Variants in CDH7 observed in about 807,000 individuals in gnomAD.
The protein encoded by CDH7 is cadherin 7.
CDH7 carries 25 observed loss-of-function variants against 71.8 expected under a neutral mutation model. That is an observed-to-expected ratio of 0.35 (90% CI 0.25 to 0.49). The LOEUF (loss-of-function observed/expected upper bound fraction) is 0.49, where lower values mean the gene tolerates loss of function less well. Ranked by LOEUF, CDH7 falls within the 20% of genes least tolerant of loss-of-function variation. The probability of loss-of-function intolerance (pLI) is 0.99; values close to 1 mark genes in which losing one functional copy is unlikely to be tolerated. For missense variants in CDH7, 862 were observed against 974.6 expected (o/e 0.88, Z 1.54); for synonymous variants, 381 against 363.8 (o/e 1.05, Z -0.54).
chr18:65,866,987 A>G (rs1009747440), intron 11 of CDH7, among the ~76,000 whole-genome samples: 7 of 152,010 alleles, frequency 4.6e-5, no homozygotes, highest in Admixed American at 2.6e-4. Context: ...ATTATTTTTC[A>G]TGCAGAAAAA....
intron 2 of CDH7, among the ~76,000 whole-genome samples, chr18:65,771,075 AG>A (rs1484755544): frequency 4.6e-5 from 7 of 152,088 alleles, no homozygotes; most frequent in African/African-American, 1.7e-4. Flanking sequence ...TCTTTTAATG[AG>A]GCTATCAGTA....
At chr18:65,870,424 C>T (rs1226633454) in intron 11 of CDH7, among the ~76,000 whole-genome samples, 1 of 152,160 alleles carries the variant, frequency 6.6e-6, no homozygotes, top group Non-Finnish European at 1.5e-5. Context: ...GGTACTCCTG[C>T]ATTTTTCCTA....
At chr18:65,812,915 A>G (rs1379068539) in intron 3 of CDH7, among the ~76,000 whole-genome samples, 4 of 152,262 alleles carry the variant, frequency 2.6e-5, no homozygotes, top group Admixed American at 2.6e-4. Context: ...GAGAACATCA[A>G]TGTAATTTAT....
At chr18:65,762,286 T>C (rs932109192) in intron 1 of CDH7, among the ~76,000 whole-genome samples, 3 of 152,002 alleles carry the variant, frequency 2.0e-5, no homozygotes, top group African/African-American at 7.2e-5. Flanking sequence ...ATCACTGTAA[T>C]ATAAAAGAAA....
intron 2 of CDH7, among the ~76,000 whole-genome samples, chr18:65,780,078 GT>G (rs1910122778): frequency 9.4e-6 from 1 of 106,158 alleles, no homozygotes. Flanking sequence ...TTCTTCATGT[GT>G]TTTTTGGCTG....
In CDH7 at chr18:65,843,584, G is replaced by A. The variant is rs9950051; in HGVS notation, c.982-228G>A. Reference sequence around the variant, plus strand: ...ACTGGCATCTGTCTGTCTGTGCAGCGTATAGCAGCAGAGTGGATGAAGTTG... The same window carrying A: ...ACTGGCATCTGTCTGTCTGTGCAGCATATAGCAGCAGAGTGGATGAAGTTG... On this transcript the variant is annotated intron_variant, in intron 6 of 11. Transcript: ENST00000397968. Among the ~76,000 whole-genome samples, 98,709 of 151,970 alleles carry A rather than the reference G, an allele frequency of 0.65. 33,038 individuals are homozygous for A. The highest frequency in any genetic ancestry group is 0.93 in the East Asian group (4,810 of 5,162).
At chr18:65,789,584 GT>G (rs1910638503) in intron 2 of CDH7, among the ~76,000 whole-genome samples, 1 of 152,090 alleles carries the variant, frequency 6.6e-6, no homozygotes, top group African/African-American at 2.4e-5. Flanking sequence ...GGGATGGTGG[GT>G]AAGACAGGAG....
At chr18:65,785,147 A>G (rs1027763421) in intron 2 of CDH7, among the ~76,000 whole-genome samples, 1 of 152,144 alleles carries the variant, frequency 6.6e-6, no homozygotes, top group Non-Finnish European at 1.5e-5. Flanking sequence ...GGCTGAATCC[A>G]GTATGTTGTA....
In CDH7 at chr18:65,888,742, A is replaced by AAT. The variant is rs1555692904; in HGVS notation, c.*7849_*7850insTA. 2 of 148,846 alleles carry AAT rather than the reference A, an allele frequency of 1.3e-5. No homozygotes were observed. Among genetic ancestry groups the AAT allele is most frequent in the Admixed American group, 1.3e-4 (2 of 14,862 alleles). 9.2% of individuals were successfully genotyped at this position (148,846 alleles called of 1,614,324 possible). A position where few individuals can be genotyped will look rare whatever the true frequency, so the allele number is the denominator to read the frequency against. ...GCCCAGAATAACTGTAACTTATGCA[A>AAT]ACACACACACACACACACACACTCA... On this transcript the variant is annotated 3_prime_UTR_variant, in exon 12 of 12. Transcript: ENST00000397968.
rs1914369459 is a variant in CDH7, at chr18:65,886,130, G to A, written c.*5236G>A. ...CATTTTCATTCTCTGAACTTTTATA[G>A]CTTCATGATTAAAATTGAGTTAATT... On this transcript the variant is annotated 3_prime_UTR_variant, in exon 12 of 12. Transcript: ENST00000397968. The A allele has an allele frequency of 6.6e-6, 1 of 152,076 alleles. No individual in the cohort carries two copies. Among genetic ancestry groups the A allele is most frequent in the African/African-American group, 2.4e-5 (1 of 41,406 alleles). 9.4% of individuals were successfully genotyped at this position (152,076 alleles called of 1,614,324 possible).
rs894583930 is a variant in CDH7 at position 65,881,517 on chromosome 18, A to T, written c.*623A>T. 6.6e-6 allele frequency: 1 copy of T among 151,136 alleles called. No homozygotes were observed. Among genetic ancestry groups the T allele is most frequent in the Non-Finnish European group, 1.5e-5 (1 of 67,684 alleles). The allele number at this position is 151,136 out of a possible 1,614,324, so 9.4% of individuals were successfully genotyped here. A position where few individuals can be genotyped will look rare whatever the true frequency, so the allele number is the denominator to read the frequency against. ...TAAAATTTAGTTTAAGGCAATATAAACCATTGTTTATCCAATAAATTATGA... is the reference window on the plus strand; with the variant it reads ...TAAAATTTAGTTTAAGGCAATATAATCCATTGTTTATCCAATAAATTATGA... On this transcript the variant is annotated 3_prime_UTR_variant, in exon 12 of 12. Transcript: ENST00000397968.
intron 11 of CDH7, among the ~76,000 whole-genome samples, chr18:65,878,326 T>C (rs1914128751): frequency 6.6e-6 from 1 of 152,234 alleles, no homozygotes. Flanking sequence ...TCTTTATCTC[T>C]TCAGTCCACA....
intron 4 of CDH7, among the ~76,000 whole-genome samples, chr18:65,816,744 G>A (rs1391695114): frequency 1.3e-5 from 2 of 152,128 alleles, no homozygotes; most frequent in Non-Finnish European, 2.9e-5. Context: ...AATGTGAGTA[G>A]TTGCAAAACC....
At chr18:65,839,348 C>A (rs1446340218) in intron 6 of CDH7, among the ~76,000 whole-genome samples, 1 of 152,140 alleles carries the variant, frequency 6.6e-6, no homozygotes, top group Admixed American at 6.5e-5. Context: ...TCATACACAG[C>A]CATATCCTGT....
At chr18:65,860,764 G>A (rs936523965) in intron 10 of CDH7, among the ~76,000 whole-genome samples, 2 of 152,064 alleles carry the variant, frequency 1.3e-5, no homozygotes, top group Non-Finnish European at 2.9e-5. Flanking sequence ...ACCAAAAGGT[G>A]GATAAGAAGT....
In CDH7 at chr18:65,887,035, G is replaced by A. The variant is rs180881870; in HGVS notation, c.*6141G>A. ...ATATATTAATAACTATGTAACTAATGAGAATGTTGAAAGTACAGCATACTT... is the reference window on the plus strand; with the variant it reads ...ATATATTAATAACTATGTAACTAATAAGAATGTTGAAAGTACAGCATACTT... On this transcript the variant is annotated 3_prime_UTR_variant, in exon 12 of 12. Transcript: ENST00000397968. 2.2e-4 allele frequency: 34 copies of A among 152,208 alleles called. No homozygotes were observed. The East Asian group carries it at 6.2e-3, about 28-fold the overall frequency. 9.4% of individuals were successfully genotyped at this position (152,208 alleles called of 1,614,324 possible).
intron 10 of CDH7, among the ~76,000 whole-genome samples, chr18:65,860,452 C>T (rs1310565383): frequency 6.6e-6 from 1 of 152,042 alleles, no homozygotes; most frequent in Non-Finnish European, 1.5e-5. Flanking sequence ...CTTACAAATA[C>T]CTACAAGTAG....
At chr18:65,852,868 A>T (rs1913200230) in intron 7 of CDH7, among the ~76,000 whole-genome samples, 1 of 152,200 alleles carries the variant, frequency 6.6e-6, no homozygotes, top group African/African-American at 2.4e-5. Flanking sequence ...ACTATATTTT[A>T]AATATTATAT....
chr18:65,872,997 A>G (rs1913972168), intron 11 of CDH7, among the ~76,000 whole-genome samples: 1 of 152,086 alleles, frequency 6.6e-6, no homozygotes, highest in Admixed American at 6.6e-5. Context: ...AAATTACTAA[A>G]ACTTAATTAG....
Sources: gnomAD v4.1 joint callset for allele counts (sites outside exome capture counted in the v4.1 genomes callset) on GRCh38, gnomAD v4.1.1 for gene constraint, MANE v1.5 for transcripts, NCBI Gene and HGNC (gene_info 2026-07-23, HGNC 2026-07-21) for gene names.